The following STPG1 variants were observed in gnomAD, a reference collection of about 807,000 sequenced individuals.
STPG1 encodes O(6)-methylguanine-induced apoptosis 2.
In STPG1, 33 loss-of-function variants were observed where a neutral mutation model predicts 40.1. The observed-to-expected ratio is 0.82, with a 90% CI of 0.62 to 1.10. STPG1 has a LOEUF of 1.10. Among genes scored for constraint, STPG1 ranks in the 50% least tolerant of loss-of-function variants. The pLI, the probability that STPG1 is intolerant of heterozygous loss-of-function variation, is 0.00. For missense variants in STPG1, 396 were observed against 415.1 expected, an observed-to-expected ratio of 0.95 and a Z score of 0.40; for synonymous variants, 150 against 155.0, an observed-to-expected ratio of 0.97 and a Z score of 0.24.
chr1:24,380,731 A>C (rs1227681986), intron 4 of STPG1, among the ~76,000 whole-genome samples: 1 of 152,118 alleles, frequency 6.6e-6, no homozygotes, highest in Admixed American at 6.6e-5. Flanking sequence ...GGGGTGTAGC[A>C]CCAGAAGCGG....
intron 7 of STPG1, chr1:24,364,334 C>T (rs1264431029): frequency 1.9e-6 from 3 of 1,548,846 alleles, no homozygotes; most frequent in Non-Finnish European, 2.6e-6. Context: ...AGCCCCACCA[C>T]CGTCAACAGC....
chr1:24,369,824 TTGA>T lies in STPG1; in HGVS notation c.584_586del (p.Ile195del). The T allele has an allele frequency of 6.2e-7, 1 of 1,606,732 alleles. No homozygotes were observed. The highest frequency in any genetic ancestry group is 8.5e-7 in the Non-Finnish European group (1 of 1,175,234). On this transcript the variant is annotated inframe_deletion, in exon 7 of 9. Coordinates refer to ENST00000337248, the MANE Select transcript of STPG1 (RefSeq NM_001199013.2). ...TGGCGACTGCTTCACAAGGGATTCG[TTGA>T]TATCATAATGCCCTAAGGAGAAAGA...
intron 2 of STPG1, among the ~76,000 whole-genome samples, chr1:24,397,940 C>G (rs1643073483): frequency 6.6e-6 from 1 of 152,120 alleles, no homozygotes. Context: ...CATAAGCTTT[C>G]ATTTTGCGGG....
At chr1:24,370,337 A>G (rs1641678336) in intron 6 of STPG1, among the ~76,000 whole-genome samples, 2 of 137,244 alleles carry the variant, frequency 1.5e-5, no homozygotes, top group African/African-American at 5.5e-5. Flanking sequence ...TTTTTTTGAG[A>G]TAGGGTCTTG....
intron 1 of STPG1, among the ~76,000 whole-genome samples, chr1:24,408,935 T>C (rs1008960380): frequency 2.0e-5 from 3 of 152,230 alleles, no homozygotes; most frequent in African/African-American, 4.8e-5. Flanking sequence ...GGACAATCTA[T>C]ACTAAAAATT....
chr1:24,411,082 G>C (rs1643605380), intron 1 of STPG1, among the ~76,000 whole-genome samples: 1 of 152,120 alleles, frequency 6.6e-6, no homozygotes, highest in Non-Finnish European at 1.5e-5. Context: ...CAGTAGGCTT[G>C]TATTAATGTA....
chr1:24,407,559 C>T (rs530523245), intron 1 of STPG1, among the ~76,000 whole-genome samples: 1 of 151,998 alleles, frequency 6.6e-6, no homozygotes, highest in East Asian at 1.9e-4. Context: ...TCTGTGTCAG[C>T]CTCCCGAGTA....
At chr1:24,402,527 T>C (rs1643264172) in intron 1 of STPG1, among the ~76,000 whole-genome samples, 1 of 152,106 alleles carries the variant, frequency 6.6e-6, no homozygotes, top group Non-Finnish European at 1.5e-5. Context: ...CTTGGGAGGC[T>C]GAAGCGGGAG....
chr1:24,401,719 T>C (rs1356119279), intron 1 of STPG1, among the ~76,000 whole-genome samples: 1 of 151,976 alleles, frequency 6.6e-6, no homozygotes, highest in Non-Finnish European at 1.5e-5. Context: ...TGATACGGAG[T>C]TTTGCTCTTG....
rs891915883 is a variant in STPG1, at chr1:24,384,122, C to A, written c.190-119G>T. ...AATCCCACAGCACAGGCGCTACCAC[C>A]ACTTGGTGGGTGACAGCCTAGCTCC... On this transcript the variant is annotated intron_variant, in intron 3 of 8. Coordinates refer to ENST00000337248, the MANE Select transcript of STPG1 (RefSeq NM_001199013.2). 1.4e-4 allele frequency: 88 copies of A among 638,550 alleles called. 2 individuals carry two copies. In the Admixed American group the frequency reaches 2.2e-3, roughly 16 times the overall value. 39.6% of individuals were successfully genotyped at this position (638,550 alleles called of 1,614,324 possible).
intron 3 of STPG1, among the ~76,000 whole-genome samples, chr1:24,388,065 C>A (rs958206142): frequency 6.6e-6 from 1 of 152,182 alleles, no homozygotes; most frequent in Non-Finnish European, 1.5e-5. Context: ...CCATCTAGAG[C>A]ACATGGTACC....
intron 1 of STPG1, among the ~76,000 whole-genome samples, chr1:24,406,098 T>A (rs11249101): frequency 0.23 from 35,660 of 152,032 alleles, 4,665 homozygotes; most frequent in East Asian, 0.46. Context: ...GGCTTAAACC[T>A]ATCAATTTCC....
intron 5 of STPG1, among the ~76,000 whole-genome samples, chr1:24,374,721 C>A (rs1158080035): frequency 6.6e-6 from 1 of 152,066 alleles, no homozygotes; most frequent in Non-Finnish European, 1.5e-5. Context: ...GCCTCCCGGG[C>A]TTAAGCAATC....
At chr1:24,366,240 C>T (rs1260318774) in intron 7 of STPG1, among the ~76,000 whole-genome samples, 1 of 152,172 alleles carries the variant, frequency 6.6e-6, no homozygotes, top group Non-Finnish European at 1.5e-5. Flanking sequence ...AAGTCACCGC[C>T]GCTCCACGTA....
chr1:24,369,279 C>T (rs1641615145), intron 7 of STPG1: 1 of 454,046 alleles, frequency 2.2e-6, no homozygotes, highest in South Asian at 1.7e-5. Flanking sequence ...ACAATGTCAG[C>T]ACCAGGGGAA....
chr1:24,403,528 G>A (rs765315640), intron 1 of STPG1, among the ~76,000 whole-genome samples: 7 of 152,044 alleles, frequency 4.6e-5, no homozygotes, highest in Non-Finnish European at 1.0e-4. Flanking sequence ...AGATTGCATT[G>A]AATCTATAGA....
intron 2 of STPG1, among the ~76,000 whole-genome samples, chr1:24,397,809 T>C (rs1474959271): frequency 2.0e-5 from 3 of 152,148 alleles, no homozygotes; most frequent in Non-Finnish European, 4.4e-5. Context: ...TGTTGAGTAA[T>C]ATTCCATTGT....
chr1:24,369,638 C>T (rs746728660), intron 7 of STPG1, 36 bp downstream of exon 7: 1 of 1,555,940 alleles, frequency 6.4e-7, no homozygotes, highest in Non-Finnish European at 8.7e-7. Context: ...CCCACAACCA[C>T]CTTTCAAAAG....
intron 1 of STPG1, among the ~76,000 whole-genome samples, chr1:24,407,443 ATTT>A (rs71029547): frequency 9.2e-5 from 12 of 130,934 alleles, no homozygotes; most frequent in Non-Finnish European, 8.1e-5. Context: ...AAGTTCACTG[ATTT>A]TTTTTTTTTT....
Sources: allele counts gnomAD v4.1 joint callset (sites outside exome capture counted in the v4.1 genomes callset), GRCh38; gene constraint gnomAD v4.1.1; transcripts MANE v1.5; gene names NCBI Gene and HGNC (gene_info 2026-07-23, HGNC 2026-07-21).